The following NAV2 variants were observed in gnomAD, a reference collection of about 807,000 sequenced individuals.
The protein encoded by NAV2 is neuron navigator 2.
In NAV2, 54 loss-of-function variants were observed where a neutral mutation model predicts 223.2. That is an observed-to-expected ratio of 0.24 (90% CI 0.19 to 0.30). NAV2 has a LOEUF of 0.30. Ranked by LOEUF, NAV2 falls within the 10% of genes least tolerant of loss-of-function variation. The pLI, the probability that NAV2 is intolerant of heterozygous loss-of-function variation, is 1.00. For synonymous variants in NAV2, 1,279 were observed against 1,239.3 expected, an observed-to-expected ratio of 1.03 and a Z score of -0.67; for missense variants, 2,806 against 3,147.5, an observed-to-expected ratio of 0.89 and a Z score of 2.60.
At chr11:19,771,415 T>C (rs1234832969) in intron 1 of NAV2, among the ~76,000 whole-genome samples, 3 of 152,032 alleles carry the variant, frequency 2.0e-5, no homozygotes, top group African/African-American at 7.2e-5. Flanking sequence ...ATCAACGTGA[T>C]ATCAATTGGT....
chr11:19,571,598 C>T (rs892453652), intron 1 of NAV2, among the ~76,000 whole-genome samples: 10 of 151,792 alleles, frequency 6.6e-5, no homozygotes, highest in African/African-American at 1.7e-4. Context: ...CCCAGCTACT[C>T]GGGAGGCTGA....
At chr11:19,362,442 T>C (rs1854008321) in intron 1 of NAV2, among the ~76,000 whole-genome samples, 1 of 152,188 alleles carries the variant, frequency 6.6e-6, no homozygotes, top group African/African-American at 2.4e-5. Flanking sequence ...TACTTATTTT[T>C]CTAATACCCA....
intron 1 of NAV2, among the ~76,000 whole-genome samples, chr11:19,790,498 G>A (rs2057444612): frequency 6.6e-6 from 1 of 152,148 alleles, no homozygotes; most frequent in Non-Finnish European, 1.5e-5. Context: ...CACAGAAAGG[G>A]CTCAGAGCAA....
intron 1 of NAV2, among the ~76,000 whole-genome samples, chr11:19,722,466 C>T (rs2050823746): frequency 1.3e-5 from 2 of 152,136 alleles, no homozygotes; most frequent in Admixed American, 1.3e-4. Context: ...GTGTTACCTC[C>T]TCCAGGAAGC....
intron 8 of NAV2, 42 bp from the exon 9 acceptor site, chr11:19,946,359 T>C (rs768758175): frequency 6.4e-7 from 1 of 1,556,090 alleles, no homozygotes; most frequent in Non-Finnish European, 8.8e-7. Context: ...AAGCTCATGG[T>C]TGGTCAGAGA....
At chr11:19,692,532 A>C (rs891503094) in intron 1 of NAV2, among the ~76,000 whole-genome samples, 1 of 152,260 alleles carries the variant, frequency 6.6e-6, no homozygotes, top group African/African-American at 2.4e-5. Flanking sequence ...AGCAAAAATC[A>C]TTCCTTGTTT....
chr11:20,095,473 A>G (rs1158073853), intron 29 of NAV2, among the ~76,000 whole-genome samples, 199 bp from the exon 30 acceptor site: 3 of 152,174 alleles, frequency 2.0e-5, no homozygotes, highest in African/African-American at 7.2e-5. Context: ...TGACTCTTGG[A>G]CCGCTGTTTT....
intron 1 of NAV2, among the ~76,000 whole-genome samples, chr11:19,688,208 C>A (rs917140977): frequency 3.9e-5 from 6 of 152,148 alleles, no homozygotes; most frequent in Non-Finnish European, 5.9e-5. Context: ...TTATGAAGCC[C>A]CTGAAAACTC....
chr11:19,877,366 C>T (rs2062901877), intron 4 of NAV2, among the ~76,000 whole-genome samples: 1 of 151,994 alleles, frequency 6.6e-6, no homozygotes, highest in African/African-American at 2.4e-5. Context: ...CCATAATTAG[C>T]AGTACTTTCT....
chr11:20,025,712 G>T (rs1423198782), intron 11 of NAV2, among the ~76,000 whole-genome samples: 1 of 152,168 alleles, frequency 6.6e-6, no homozygotes, highest in Non-Finnish European at 1.5e-5. Context: ...TTTTTTATGC[G>T]GTTTGTGTTT....
chr11:19,375,498 C>T (rs1387010590), intron 1 of NAV2, among the ~76,000 whole-genome samples: 1 of 152,216 alleles, frequency 6.6e-6, no homozygotes, highest in Non-Finnish European at 1.5e-5. Flanking sequence ...ACAAACTCAG[C>T]TCTTGCTCTA....
chr11:19,904,690 A>T (rs2042724529), intron 6 of NAV2, among the ~76,000 whole-genome samples: 1 of 152,226 alleles, frequency 6.6e-6, no homozygotes. Flanking sequence ...AAAAGTAAAA[A>T]AAAAATACAG....
At position 19,693,163 on chromosome 11, in the gene NAV2, G is replaced by A. The variant is rs558719010; in HGVS notation, c.76-139321G>A. The stretch of plus-strand genomic sequence containing the variant: ...CTACTACCAGCCCACCTCTGCCAGG[G>A]CCCTTGGTTTCCTCTGTGTTTGAGG... On this transcript the variant is annotated intron_variant, in intron 1 of 37. Coordinates refer to the NAV2 transcript ENST00000360655. Among the ~76,000 whole-genome samples, 5 of 152,334 alleles carry A rather than the reference G, an allele frequency of 3.3e-5. No individual in the cohort carries two copies. The South Asian group carries it at 1.0e-3, about 32-fold the overall frequency.
chr11:19,952,879 T>C (rs2047510796), intron 10 of NAV2, among the ~76,000 whole-genome samples: 1 of 152,194 alleles, frequency 6.6e-6, no homozygotes, highest in South Asian at 2.1e-4. Context: ...GTGTGTGTTC[T>C]TATATTGTGC....
rs1375412765 is a variant in NAV2, at chr11:20,036,040, C to T, written c.2850C>T (p.Ser950=). The part of the protein sequence containing the change: ...NLSTDDINTS[S]SISSYANTPA... ...GCACTGATGACATCAACACCAGCTC[C>T]TCCATCAGCTCTTATGCCAACACAC... The change falls in exon 12 of 38, where the codon TCC becomes TCT. Residue 950 remains serine (S), a synonymous_variant. Coordinates refer to ENST00000349880, the MANE Select transcript of NAV2 (RefSeq NM_145117.5). 1 of 1,614,112 alleles carries T rather than the reference C, an allele frequency of 6.2e-7. No individual in the cohort carries two copies. Among genetic ancestry groups the T allele is most frequent in the Non-Finnish European group, 8.5e-7 (1 of 1,180,042 alleles).
chr11:19,943,541 C>T (rs2046579739), intron 8 of NAV2, among the ~76,000 whole-genome samples: 1 of 152,054 alleles, frequency 6.6e-6, no homozygotes, highest in Non-Finnish European at 1.5e-5. Context: ...CACCACCATG[C>T]CAAGAACGAC....
chr11:19,547,764 A>T (rs1269109012), intron 1 of NAV2, among the ~76,000 whole-genome samples: 1 of 152,194 alleles, frequency 6.6e-6, no homozygotes, highest in Non-Finnish European at 1.5e-5. Flanking sequence ...AATGACAATG[A>T]TAGTGGTAGA....
At chr11:19,688,440 C>A (rs1200014804) in intron 1 of NAV2, among the ~76,000 whole-genome samples, 1 of 152,142 alleles carries the variant, frequency 6.6e-6, no homozygotes, top group Admixed American at 6.5e-5. Context: ...AACAGAGGTA[C>A]ACAAACCATA....
chr11:19,985,559 G>GGTTT (rs1555180300), intron 11 of NAV2, among the ~76,000 whole-genome samples: 4 of 125,576 alleles, frequency 3.2e-5, no homozygotes, highest in South Asian at 2.6e-4. Flanking sequence ...AGTTTTTTTT[G>GGTTT]TTTTTTTGTT....
Sources: gnomAD v4.1 joint callset for allele counts (sites outside exome capture counted in the v4.1 genomes callset) on GRCh38, gnomAD v4.1.1 for gene constraint, MANE v1.5 for transcripts, NCBI Gene and HGNC (gene_info 2026-07-23, HGNC 2026-07-21) for gene names.